Variants in ALPI observed in about 807,000 individuals in gnomAD.
ALPI encodes intestinal-type alkaline phosphatase.
Under a neutral mutation model 51.5 loss-of-function variants are expected in ALPI, and 50 were observed. The observed-to-expected ratio is 0.97, with a 90% CI of 0.77 to 1.23. ALPI has a LOEUF of 1.23. Among genes scored for constraint, ALPI ranks in the 50% most tolerant of loss-of-function variants. The pLI, the probability that ALPI is intolerant of heterozygous loss-of-function variation, is 0.00. For missense variants in ALPI, 692 were observed against 722.4 expected (o/e 0.96, Z 0.48); for synonymous variants, 322 against 308.2 (o/e 1.04, Z -0.47).
In ALPI at chr2:232,458,410, T is replaced by C; in HGVS notation, c.1183+2T>C. 1 of 1,612,470 alleles carries C rather than the reference T, an allele frequency of 6.2e-7. No homozygotes were observed. The highest frequency in any genetic ancestry group is 8.5e-7 in the Non-Finnish European group (1 of 1,179,260). ...CCTTGCGAGGGAGCTCCATCTTCGG[T>C]AGGCCTGGGGAGAGTGGCAGGTGCT... On this transcript the variant is annotated splice_donor_variant, in intron 9 of 10. Coordinates refer to ENST00000295463, the MANE Select transcript of ALPI (RefSeq NM_001631.5). LOFTEE classifies it high-confidence loss of function.
chr2:232,457,172 C>T lies in ALPI; in HGVS notation c.498C>T (p.Thr166=), dbSNP rs537610442. 1 of 1,613,432 alleles carries T rather than the reference C, an allele frequency of 6.2e-7. No homozygotes were observed. The change falls in exon 5 of 11, where the codon ACC becomes ACT. Residue 166 remains threonine, a synonymous_variant. Coordinates refer to ENST00000295463, the MANE Select transcript of ALPI (RefSeq NM_001631.5). This position sits in a 1 kb window ranked among gnomAD's most constrained non-coding sequence, Gnocchi z 4.7. ...CAGGAAAGTCAGTAGGAGTGGTGAC[C>T]ACCACACGGGTGCAGCACGCCTCGC... The part of the protein sequence containing the change: ...KQAGKSVGVV[T]TTRVQHASPA...
rs956961134 is a variant in ALPI, at chr2:232,457,232, C to G, written c.558C>G (p.Asn186Lys). ...CCTACGCACACACAGTGAACCGCAACTGGTACTCAGATGCTGACATGCCTG... is the reference window on the plus strand; with the variant it reads ...CCTACGCACACACAGTGAACCGCAAGTGGTACTCAGATGCTGACATGCCTG... ...AGTYAHTVNR[N>K]WYSDADMPAS... The change falls in exon 5 of 11, where the codon AAC (asparagine) becomes AAG (lysine). Residue 186 changes from asparagine (N) to lysine (K), a missense_variant. Transcript: ENST00000295463. This position sits in a 1 kb window ranked among gnomAD's most constrained non-coding sequence, Gnocchi z 4.7. 6.8e-6 allele frequency: 11 copies of G among 1,613,406 alleles called. No homozygotes were observed. Among genetic ancestry groups the G allele is most frequent in the Non-Finnish European group, 9.3e-6 (11 of 1,180,034 alleles).
intron 9 of ALPI, 73 bp from the exon 10 acceptor site, chr2:232,458,559 C>T (rs1264050676): frequency 5.8e-6 from 9 of 1,542,564 alleles, no homozygotes; most frequent in African/African-American, 2.7e-5. Context: ...CAAAAAGTGG[C>T]GGTGCCTGGC....
At position 232,456,838 on chromosome 2, in the gene ALPI, G is replaced by A; in HGVS notation, c.301-61G>A. 1.2e-6 allele frequency: 2 copies of A among 1,601,430 alleles called. No homozygotes were observed. Among genetic ancestry groups the A allele is most frequent in the Non-Finnish European group, 1.7e-6 (2 of 1,173,140 alleles). On this transcript the variant is annotated intron_variant, in intron 3 of 10. Transcript: ENST00000295463. This position sits in a 1 kb window ranked among gnomAD's most constrained non-coding sequence, Gnocchi z 4.2. The stretch of plus-strand genomic sequence containing the variant: ...TAGGATCCCAGAGGACCAGAACCAG[G>A]TCCTTGGTTGGGGTCTGGGTGTCCG...
rs766606142 is a variant in ALPI at position 232,457,179 on chromosome 2, C to T, written c.505C>T (p.Arg169Trp). Residue 169 changes from arginine to tryptophan, a missense_variant, in exon 5 of 11, where the codon CGG becomes TGG. Arg to Trp is a moderately radical substitution (Grantham distance 101). Transcript: ENST00000295463. This position sits in a 1 kb window ranked among gnomAD's most constrained non-coding sequence, Gnocchi z 4.7. Reference sequence around the variant, plus strand: ...GTCAGTAGGAGTGGTGACCACCACACGGGTGCAGCACGCCTCGCCAGCCGG... The same window carrying T: ...GTCAGTAGGAGTGGTGACCACCACATGGGTGCAGCACGCCTCGCCAGCCGG... ...GKSVGVVTTT[R>W]VQHASPAGTY... 68 of 1,613,366 alleles carry T rather than the reference C, an allele frequency of 4.2e-5. No homozygotes were observed. Among genetic ancestry groups the T allele is most frequent in the East Asian group, 6.7e-5 (3 of 44,886 alleles).
Position 232,457,846 on chromosome 2 carries a change from C to A in ALPI, c.835C>A (p.Gln279Lys), listed in dbSNP as rs1428030818. 2.1e-5 allele frequency: 34 copies of A among 1,614,080 alleles called. No homozygotes were observed. The highest frequency in any genetic ancestry group is 2.9e-5 in the Non-Finnish European group (34 of 1,179,986). The change falls in exon 7 of 11, where the codon CAG (glutamine) becomes AAG (lysine). Residue 279 changes from glutamine (Q) to lysine (K), a missense_variant. Coordinates refer to ENST00000295463, the MANE Select transcript of ALPI (RefSeq NM_001631.5). The surrounding 1 kb of genome is among the most constrained non-coding windows in gnomAD (Gnocchi z 4.7). ...TGAGCTCATGCAGGCGTCCCTGGACCAGTCTGTGACCCATCTCATGGGTAA... is the reference window on the plus strand; with the variant it reads ...TGAGCTCATGCAGGCGTCCCTGGACAAGTCTGTGACCCATCTCATGGGTAA... ...RTELMQASLD[Q>K]SVTHLMGLFE...
In ALPI at chr2:232,457,501, G is replaced by A; in HGVS notation, c.649-64G>A. ...CCTGGGGAGGGGAGCCAGGGGCTAT[G>A]CATGAGGAGGGGGCACGGGGCCAGC... On this transcript the variant is annotated intron_variant, in intron 5 of 10. Transcript: ENST00000295463. The surrounding 1 kb of genome is among the most constrained non-coding windows in gnomAD (Gnocchi z 4.7). 3 of 1,557,708 alleles carry A rather than the reference G, an allele frequency of 1.9e-6. No homozygotes were observed. Among genetic ancestry groups the A allele is most frequent in the Non-Finnish European group, 2.6e-6 (3 of 1,153,036 alleles).
rs1481946367 is a variant in ALPI, at chr2:232,457,024, G to C, written c.426G>C (p.Thr142=). ...SAAARFNQCN[T]TRGNEVISVM... ...CCGCCCGCTTTAACCAGTGCAACAC[G>C]ACACGCGGCAATGAGGTCATCTCCG... The change falls in exon 4 of 11, where the codon ACG becomes ACC. Residue 142 remains threonine (T), a synonymous_variant. Coordinates refer to ENST00000295463, the MANE Select transcript of ALPI (RefSeq NM_001631.5). This position sits in a 1 kb window ranked among gnomAD's most constrained non-coding sequence, Gnocchi z 4.7. The C allele has an allele frequency of 1.2e-6, 2 of 1,613,502 alleles. No individual in the cohort carries two copies. The highest frequency in any genetic ancestry group is 1.7e-5 in the Admixed American group (1 of 60,004).
rs910004688 is a variant in ALPI, at chr2:232,458,685, G to A, written c.1237G>A (p.Gly413Ser). 6.2e-7 allele frequency: 1 copy of A among 1,614,000 alleles called. No homozygotes were observed. ...CAAAGCCTACACGTCCATCCTGTAC[G>A]GCAATGGCCCGGGCTACGTGTTCAA... The part of the protein sequence containing the change: ...DSKAYTSILY[G>S]NGPGYVFNSG... Residue 413 changes from glycine to serine, a missense_variant, in exon 10 of 11, where the codon GGC becomes AGC. Physicochemically the swap from Gly to Ser is moderately conservative, Grantham distance 56. Coordinates refer to ENST00000295463, the MANE Select transcript of ALPI (RefSeq NM_001631.5).
At position 232,457,212 on chromosome 2, in the gene ALPI, G is replaced by GCA; in HGVS notation, c.545_546dup (p.Val183GlnfsTer2). ...GCACGCCTCGCCAGCCGGCACCTAC[G>GCA]CACACACAGTGAACCGCAACTGGTA... On this transcript the variant is annotated frameshift_variant, in exon 5 of 11. Coordinates refer to ENST00000295463, the MANE Select transcript of ALPI (RefSeq NM_001631.5). LOFTEE classifies it high-confidence loss of function. The surrounding 1 kb of genome is among the most constrained non-coding windows in gnomAD (Gnocchi z 4.7). 6.2e-7 allele frequency: 1 copy of GCA among 1,613,514 alleles called. No homozygotes were observed. Among genetic ancestry groups the GCA allele is most frequent in the South Asian group, 1.1e-5 (1 of 91,064 alleles).
In ALPI at chr2:232,456,414, C is replaced by A. The variant is rs778354363; in HGVS notation, c.133C>A (p.Leu45Met). 2 of 1,614,084 alleles carry A rather than the reference C, an allele frequency of 1.2e-6. No individual in the cohort carries two copies. The highest frequency in any genetic ancestry group is 2.2e-5 in the South Asian group (2 of 91,084). The change falls in exon 2 of 11, where the codon CTG (leucine) becomes ATG (methionine). Residue 45 changes from leucine to methionine, a missense_variant. By Grantham distance (15) the Leu-to-Met change is conservative. Coordinates refer to ENST00000295463, the MANE Select transcript of ALPI (RefSeq NM_001631.5). This position sits in a 1 kb window ranked among gnomAD's most constrained non-coding sequence, Gnocchi z 4.2. ...AAEALDAAKK[L>M]QPIQKVAKNL... Reference sequence around the variant, plus strand: ...TGAGGCCCTGGATGCTGCCAAGAAGCTGCAGCCCATCCAGAAGGTCGCCAA... The same window carrying A: ...TGAGGCCCTGGATGCTGCCAAGAAGATGCAGCCCATCCAGAAGGTCGCCAA...
rs1690229795 is a variant in ALPI at position 232,458,026 on chromosome 2, TGAGATCCACC to T, written c.890_899del (p.Ile297ThrfsTer8). On this transcript the variant is annotated frameshift_variant, in exon 8 of 11. Transcript: ENST00000295463. LOFTEE classifies it high-confidence loss of function. ...TCTTTGAGCCCGGAGACACGAAATA[TGAGATCCACC>T]GAGACCCCACACTGGACCCCTCCCT... is the stretch of plus-strand genomic sequence containing the variant. 1 of 1,603,356 alleles carries T rather than the reference TGAGATCCACC, an allele frequency of 6.2e-7. No homozygotes were observed. Among genetic ancestry groups the T allele is most frequent in the Non-Finnish European group, 8.5e-7 (1 of 1,175,682 alleles).
chr2:232,458,696 G>T lies in ALPI; in HGVS notation c.1248G>T (p.Pro416=). ...CGTCCATCCTGTACGGCAATGGCCC[G>T]GGCTACGTGTTCAACTCAGGCGTGC... ...AYTSILYGNG[P]GYVFNSGVRP... is the part of the protein sequence containing the mutation. The change falls in exon 10 of 11, where the codon CCG becomes CCT. Residue 416 remains proline (P), a synonymous_variant. Transcript: ENST00000295463. 1 of 1,613,992 alleles carries T rather than the reference G, an allele frequency of 6.2e-7. No individual in the cohort carries two copies. Among genetic ancestry groups the T allele is most frequent in the South Asian group, 1.1e-5 (1 of 91,078 alleles).
rs764944705 is a variant in ALPI, at chr2:232,456,986, G to A, written c.388G>A (p.Gly130Ser). The change falls in exon 4 of 11, where the codon GGC (glycine) becomes AGC (serine). Residue 130 changes from glycine (G) to serine (S), a missense_variant. Gly to Ser is a moderately conservative substitution (Grantham distance 56). Transcript: ENST00000295463. This position sits in a 1 kb window ranked among gnomAD's most constrained non-coding sequence, Gnocchi z 4.2. ...GGTCAAGGCCAACTTCCAGACCATC[G>A]GCTTGAGTGCAGCCGCCCGCTTTAA... Reference protein sequence around the residue: ...CGVKANFQTIGLSAAARFNQC... With the variant: ...CGVKANFQTISLSAAARFNQC... 14 of 1,613,532 alleles carry A rather than the reference G, an allele frequency of 8.7e-6. No homozygotes were observed. Among genetic ancestry groups the A allele is most frequent in the Admixed American group, 1.7e-5 (1 of 60,004 alleles).
At position 232,459,159 on chromosome 2, in the gene ALPI, G is replaced by A. The variant is rs200988325; in HGVS notation, c.*13G>A. The stretch of plus-strand genomic sequence containing the variant: ...CGCTGCTCCCTGAGTGCCCCACTCC[G>A]GAGTTATCCTGCTCCCCACCTCCGG... On this transcript the variant is annotated 3_prime_UTR_variant, in exon 11 of 11. Transcript: ENST00000295463. 2,348 of 1,526,210 alleles carry A rather than the reference G, an allele frequency of 1.5e-3. 2 individuals carry two copies. The highest frequency in any genetic ancestry group is 2.0e-3 in the Non-Finnish European group (2,233 of 1,142,464). 94.5% of individuals were successfully genotyped at this position (1,526,210 alleles called of 1,614,324 possible).
Position 232,456,542 on chromosome 2 carries a change from C to A in ALPI, c.185-38C>A. The A allele has an allele frequency of 3.1e-6, 5 of 1,610,474 alleles. No individual in the cohort carries two copies. The Admixed American group carries it at 6.7e-5, about 22-fold the overall frequency. ...GGGACCTTCAGTGGTTCCAGGACAA[C>A]CCTGGGGCCCAGGACTCACACATTT... On this transcript the variant is annotated intron_variant, in intron 2 of 10. Coordinates refer to ENST00000295463, the MANE Select transcript of ALPI (RefSeq NM_001631.5). The surrounding 1 kb of genome is among the most constrained non-coding windows in gnomAD (Gnocchi z 4.2).
rs1438569575 is a variant in ALPI at position 232,459,593 on chromosome 2, TC to T, written c.*449del. On this transcript the variant is annotated 3_prime_UTR_variant, in exon 11 of 11. Coordinates refer to ENST00000295463, the MANE Select transcript of ALPI (RefSeq NM_001631.5). ...GCGTGCCCCACCGTCTTAGCTTCAA[TC>T]CTGGCAGCACCTGGTAGACCCAAGG... The T allele has an allele frequency of 5.9e-6, 1 of 168,264 alleles. No homozygotes were observed. The highest frequency in any genetic ancestry group is 1.7e-4 in the East Asian group (1 of 5,730). The allele number at this position is 168,264 out of a possible 1,614,324, so 10.4% of individuals were successfully genotyped here.
intron 10 of ALPI, 38 bp from the exon 11 acceptor site, chr2:232,458,822 C>T: frequency 1.9e-6 from 3 of 1,608,400 alleles, no homozygotes; most frequent in Non-Finnish European, 1.7e-6. Context: ...AGGGGGACGC[C>T]GCCTGCCTGC....
Position 232,458,947 on chromosome 2 carries a change from C to G in ALPI, c.1388C>G (p.Pro463Arg). The G allele has an allele frequency of 1.9e-6, 3 of 1,601,466 alleles. No individual in the cohort carries two copies. The Admixed American group carries it at 5.1e-5, about 27-fold the overall frequency. Residue 463 changes from proline (P) to arginine (R), a missense_variant, in exon 11 of 11, where the codon CCG becomes CGG. Transcript: ENST00000295463. ...GEDVAVFARG[P>R]QAHLVHGVQE... ...GACGTGGCGGTGTTTGCGCGCGGCC[C>G]GCAGGCGCACCTGGTGCATGGTGTG...
Sources: allele counts gnomAD v4.1 joint callset, GRCh38; gene constraint gnomAD v4.1.1; non-coding constraint Gnocchi (gnomAD v3.1); transcripts MANE v1.5; gene names NCBI Gene and HGNC (gene_info 2026-07-23, HGNC 2026-07-21).